The following FRAS1 variants were observed in gnomAD, a reference collection of about 807,000 sequenced individuals.
FRAS1 encodes the protein extracellular matrix organizing protein FRAS1.
Under a neutral mutation model 435.2 loss-of-function variants are expected in FRAS1, and 290 were observed. The observed-to-expected ratio is 0.67, with a 90% CI of 0.61 to 0.73. The LOEUF (loss-of-function observed/expected upper bound fraction) is 0.73, where lower values mean the gene tolerates loss of function less well. FRAS1 is among the 30% of genes least tolerant of loss of function. FRAS1 has a pLI of 0.00. For missense variants in FRAS1, 4,860 were observed against 5,001.5 expected (o/e 0.97, Z 0.85); for synonymous variants, 1,800 against 1,851.0 (o/e 0.97, Z 0.71).
intron 1 of FRAS1, among the ~76,000 whole-genome samples, chr4:78,059,520 AAAAGCTTGTAGG>A (rs1739649543): frequency 6.6e-6 from 1 of 151,990 alleles, no homozygotes; most frequent in Admixed American, 6.5e-5. Context: ...AAAAAAAAAA[AAAAGCTTGTAGG>A]GCTTGATTAT....
intron 32 of FRAS1, among the ~76,000 whole-genome samples, chr4:78,416,839 T>C (rs1423287776): frequency 6.6e-6 from 1 of 151,956 alleles, no homozygotes; most frequent in African/African-American, 2.4e-5. Flanking sequence ...AAGAGAGCAA[T>C]TGGGAGGCCA....
At chr4:78,480,076 A>G (rs1246160057) in intron 56 of FRAS1, among the ~76,000 whole-genome samples, 2 of 152,206 alleles carry the variant, frequency 1.3e-5, no homozygotes, top group Non-Finnish European at 2.9e-5. Context: ...CCTTTGTGTT[A>G]TGTACAATCC....
chr4:78,488,111 T>C (rs10016007), intron 58 of FRAS1, among the ~76,000 whole-genome samples: 114,035 of 151,832 alleles, frequency 0.75, 43,855 homozygotes, highest in East Asian at 1. Context: ...CCAGCCTGAG[T>C]GACAGAGCGA....
intron 2 of FRAS1, among the ~76,000 whole-genome samples, chr4:78,133,867 C>A (rs1719799015): frequency 6.6e-6 from 1 of 151,920 alleles, no homozygotes; most frequent in East Asian, 1.9e-4. Flanking sequence ...TTTGGGTCAT[C>A]ACCTAATCCA....
intron 1 of FRAS1, among the ~76,000 whole-genome samples, chr4:78,061,035 C>G (rs886896254): frequency 3.3e-5 from 5 of 152,022 alleles, no homozygotes; most frequent in Non-Finnish European, 5.9e-5. Context: ...TTAGTAGAGA[C>G]AGAGTTTCAC....
intron 4 of FRAS1, among the ~76,000 whole-genome samples, chr4:78,246,728 A>G (rs748310858): frequency 1.2e-4 from 17 of 139,316 alleles, no homozygotes; most frequent in South Asian, 9.1e-4. Context: ...AGGAGCCAAA[A>G]TAAGTCCAGG....
intron 2 of FRAS1, among the ~76,000 whole-genome samples, chr4:78,191,714 C>A (rs1722543798): frequency 6.6e-6 from 1 of 151,866 alleles, no homozygotes; most frequent in African/African-American, 2.4e-5. Flanking sequence ...ACAACAGGCC[C>A]CGGTGTGTGA....
intron 2 of FRAS1, among the ~76,000 whole-genome samples, chr4:78,168,513 T>C (rs563816980): frequency 2.8e-4 from 43 of 152,202 alleles, no homozygotes; most frequent in African/African-American, 8.4e-4. Flanking sequence ...CTTCAAATTT[T>C]TTTTTTCCTT....
intron 19 of FRAS1, among the ~76,000 whole-genome samples, chr4:78,335,094 A>T (rs1400894302): frequency 6.6e-6 from 1 of 152,156 alleles, no homozygotes; most frequent in South Asian, 2.1e-4. Context: ...AAATTTGGCA[A>T]CTGGGACACT....
intron 29 of FRAS1, among the ~76,000 whole-genome samples, chr4:78,396,898 T>G (rs1398380952): frequency 6.6e-6 from 1 of 152,176 alleles, no homozygotes; most frequent in Admixed American, 6.5e-5. Context: ...TGTCAAACCT[T>G]TAATTTTGTT....
chr4:78,529,363 A>G (rs769633142), intron 70 of FRAS1, among the ~76,000 whole-genome samples: 1 of 152,172 alleles, frequency 6.6e-6, no homozygotes, highest in African/African-American at 2.4e-5. Flanking sequence ...TATTCTGAAG[A>G]CTATATATAT....
At chr4:78,189,727 C>G (rs964407951) in intron 2 of FRAS1, among the ~76,000 whole-genome samples, 1 of 152,170 alleles carries the variant, frequency 6.6e-6, no homozygotes, top group Non-Finnish European at 1.5e-5. Flanking sequence ...GATGGCAAGT[C>G]TCTATTTTAC....
chr4:78,144,403 C>A (rs111542974), intron 2 of FRAS1, among the ~76,000 whole-genome samples: 39 of 151,810 alleles, frequency 2.6e-4, no homozygotes, highest in African/African-American at 9.2e-4. Flanking sequence ...TGCTGTTAAA[C>A]CATCATCTTT....
intron 68 of FRAS1, 135 bp downstream of exon 68, chr4:78,521,765 A>G: frequency 1.8e-6 from 1 of 571,326 alleles, no homozygotes; most frequent in Admixed American, 3.4e-5. Flanking sequence ...GTGCACATAC[A>G]TCCATCCATA....
intron 19 of FRAS1, among the ~76,000 whole-genome samples, 192 bp from the exon 20 acceptor site, chr4:78,337,482 A>G (rs894708706): frequency 2.6e-5 from 4 of 152,230 alleles, no homozygotes; most frequent in Admixed American, 1.3e-4. Flanking sequence ...GTTCATGGAC[A>G]GTACTGCCCT....
At chr4:78,297,317 C>T (rs943914598) in intron 14 of FRAS1, among the ~76,000 whole-genome samples, 15 of 152,086 alleles carry the variant, frequency 9.9e-5, no homozygotes, top group Non-Finnish European at 7.4e-5. Flanking sequence ...CTCCAAACAG[C>T]CACAGAAAAG....
chr4:78,243,353 A>C (rs771170247), intron 3 of FRAS1, among the ~76,000 whole-genome samples: 1 of 151,904 alleles, frequency 6.6e-6, no homozygotes, highest in Non-Finnish European at 1.5e-5. Context: ...CCTAGGTCCT[A>C]AGCAAGTAAT....
chr4:78,476,166 G>C (rs1315432576), intron 54 of FRAS1, among the ~76,000 whole-genome samples: 1 of 152,218 alleles, frequency 6.6e-6, no homozygotes, highest in African/African-American at 2.4e-5. Context: ...TATAAGAGGA[G>C]CCGGTTGGGC....
intron 2 of FRAS1, among the ~76,000 whole-genome samples, chr4:78,226,882 G>T (rs1365364732): frequency 6.6e-6 from 1 of 151,710 alleles, no homozygotes; most frequent in African/African-American, 2.4e-5. Context: ...TATCCTTTTG[G>T]TTTTTTCTGC....
Sources: allele counts gnomAD v4.1 joint callset (sites outside exome capture counted in the v4.1 genomes callset), GRCh38; gene constraint gnomAD v4.1.1; transcripts MANE v1.5; gene names NCBI Gene and HGNC (gene_info 2026-07-23, HGNC 2026-07-21).